Variants in XPO5 observed in about 807,000 individuals in gnomAD.
XPO5 encodes the protein exportin-5.
In XPO5, 46 loss-of-function variants were observed where a neutral mutation model predicts 160.6. The ratio of observed to expected loss-of-function variants is 0.29; its 90% CI spans 0.23 to 0.37. XPO5 has a LOEUF of 0.37. Ranked by LOEUF, XPO5 falls within the 10% of genes least tolerant of loss-of-function variation. The probability of loss-of-function intolerance (pLI) is 1.00; values close to 1 mark genes in which losing one functional copy is unlikely to be tolerated. For synonymous variants in XPO5, 537 were observed against 519.3 expected, an observed-to-expected ratio of 1.03 and a Z score of -0.46; for missense variants, 1,090 against 1,463.9, an observed-to-expected ratio of 0.74 and a Z score of 4.17.
At chr6:43,547,194 GC>G (rs1795005871) in intron 19 of XPO5, 1 of 354,556 alleles carries the variant, frequency 2.8e-6, no homozygotes, top group Non-Finnish European at 5.3e-6. Context: ...TGGGACTTGT[GC>G]CATAATGGAG....
chr6:43,549,796 C>A (rs41281822), intron 16 of XPO5, 97 bp downstream of exon 16: 5 of 1,339,976 alleles, frequency 3.7e-6, no homozygotes, highest in Non-Finnish European at 4.2e-6. Context: ...ACCCTTACTA[C>A]CCCCTCCCAT....
chr6:43,573,409 C>T, intron 2 of XPO5, 71 bp downstream of exon 2: 5 of 1,585,522 alleles, frequency 3.2e-6, no homozygotes, highest in Non-Finnish European at 4.3e-6. Flanking sequence ...TAAACAGCAT[C>T]TCTATAGGTT....
chr6:43,532,644 C>T (rs948458606), intron 21 of XPO5, among the ~76,000 whole-genome samples: 5 of 152,204 alleles, frequency 3.3e-5, no homozygotes, highest in Non-Finnish European at 5.9e-5. Context: ...TTTCCTCATG[C>T]CCCTAACCTA....
At chr6:43,539,827 T>G in intron 20 of XPO5, 1 of 525,876 alleles carries the variant, frequency 1.9e-6, no homozygotes, top group Non-Finnish European at 3.3e-6. Context: ...AGGCCTGGAG[T>G]TTTTTGGTCT....
intron 23 of XPO5, chr6:43,529,239 A>G: frequency 7.2e-7 from 1 of 1,389,328 alleles, no homozygotes; most frequent in African/African-American, 1.5e-5. Context: ...CATTCTCCTT[A>G]TAATTTCAGG....
At chr6:43,553,764 C>A in intron 13 of XPO5, 4 of 469,248 alleles carry the variant, frequency 8.5e-6, no homozygotes, top group Non-Finnish European at 9.5e-6. Flanking sequence ...CCTCTATGAG[C>A]CTTGTAGTAA....
chr6:43,525,036 TG>T (rs1420544082), intron 29 of XPO5, 68 bp from the exon 30 acceptor site: 40 of 1,587,264 alleles, frequency 2.5e-5, no homozygotes, highest in Non-Finnish European at 3.3e-5. Context: ...CCAGTTCTTC[TG>T]AATGATTTAG....
intron 16 of XPO5, 59 bp downstream of exon 16, chr6:43,549,834 G>C: frequency 6.7e-7 from 1 of 1,492,710 alleles, no homozygotes; most frequent in African/African-American, 1.4e-5. Flanking sequence ...CTGAGTATCA[G>C]GTATTCATAC....
At chr6:43,538,139 CTTTTTTTTTTTTT>C (rs1160662301) in intron 20 of XPO5, among the ~76,000 whole-genome samples, 73 of 48,946 alleles carry the variant, frequency 1.5e-3, no homozygotes, top group East Asian at 9.5e-3. Context: ...TAAGAGACAT[CTTTTTTTTTTTTT>C]TTTTTTTTTT....
chr6:43,553,442 C>T lies in XPO5; in HGVS notation c.1503G>A (p.Val501=). ...SLCSVFSPSF[V]QWEAMTLFLE... ...AAAAAAGAGTCATGGCTTCCCACTG[C>T]ACGAATGAAGGTGAGAAGACGGAAC... Residue 501 remains valine, a synonymous_variant, in exon 14 of 32, where the codon GTG becomes GTA. Coordinates refer to ENST00000265351, the MANE Select transcript of XPO5 (RefSeq NM_020750.3). 6 of 1,596,654 alleles carry T rather than the reference C, an allele frequency of 3.8e-6. No individual in the cohort carries two copies. Among genetic ancestry groups the T allele is most frequent in the Non-Finnish European group, 5.1e-6 (6 of 1,171,326 alleles).
chr6:43,542,011 C>G (rs1406289260), intron 20 of XPO5, among the ~76,000 whole-genome samples: 1 of 152,092 alleles, frequency 6.6e-6, no homozygotes, highest in Non-Finnish European at 1.5e-5. Context: ...AACTCTTGAC[C>G]TCAAGTGATC....
In XPO5 at chr6:43,528,183, A is replaced by T; in HGVS notation, c.2798T>A (p.Val933Asp). 6.3e-7 allele frequency: 1 copy of T among 1,594,934 alleles called. No individual in the cohort carries two copies. Among genetic ancestry groups the T allele is most frequent in the Non-Finnish European group, 8.5e-7 (1 of 1,170,290 alleles). ...CCACAGCAGGCTCCTTTGGTTGATA[A>T]CTTGCCATTTCTGAGAAAGCCTCTG... is the stretch of plus-strand genomic sequence containing the variant. ...LHMRLSQKWQ[V>D]INQRSLLCGE... Residue 933 changes from valine to aspartate, a missense_variant, in exon 25 of 32, where the codon GTT (valine) becomes GAT (aspartate). By Grantham distance (152) the Val-to-Asp change is radical. Transcript: ENST00000265351.
In XPO5 at chr6:43,549,561, T is replaced by G. The variant is rs769701064; in HGVS notation, c.1788A>C (p.Ala596=). 7 of 1,613,462 alleles carry G rather than the reference T, an allele frequency of 4.3e-6. No homozygotes were observed. The highest frequency in any genetic ancestry group is 5.9e-6 in the Non-Finnish European group (7 of 1,179,734). The change falls in exon 17 of 32, where the codon GCA becomes GCC. Residue 596 remains alanine (A), a synonymous_variant. Coordinates refer to ENST00000265351, the MANE Select transcript of XPO5 (RefSeq NM_020750.3). ...AAGCATGCCTCCTCACATTCCTCAC[T>G]GCCCGGGTTCTGGGGGCCTGAAAAG... ...VEESKAPRTR[A]VRNVRRHACS... is the part of the protein sequence containing the mutation.
intron 20 of XPO5, chr6:43,538,827 T>C: frequency 8.7e-7 from 1 of 1,143,502 alleles, no homozygotes; most frequent in East Asian, 2.4e-5. Flanking sequence ...AAACCCTATG[T>C]TGTAGCCACA....
At position 43,531,721 on chromosome 6, in the gene XPO5, G is replaced by C. The variant is rs1793992160; in HGVS notation, c.2444-146C>G. On this transcript the variant is annotated intron_variant, in intron 21 of 31. Coordinates refer to ENST00000265351, the MANE Select transcript of XPO5 (RefSeq NM_020750.3). ...TGCAAAGCAGTTGGCTACGTGATTTGCTGCACTCTTTTGGTAGGAGAAGGT... is the reference window on the plus strand; with the variant it reads ...TGCAAAGCAGTTGGCTACGTGATTTCCTGCACTCTTTTGGTAGGAGAAGGT... The C allele has an allele frequency of 2.3e-5, 16 of 699,188 alleles. No homozygotes were observed. In the South Asian group the frequency reaches 2.8e-4, roughly 12 times the overall value. 43.3% of individuals were successfully genotyped at this position (699,188 alleles called of 1,614,324 possible).
chr6:43,559,486 C>T (rs1762293782), intron 11 of XPO5, among the ~76,000 whole-genome samples: 1 of 152,094 alleles, frequency 6.6e-6, no homozygotes, highest in Admixed American at 6.5e-5. Flanking sequence ...TTTGCTTCCA[C>T]TCTCACTCCC....
chr6:43,567,900 T>C (rs1325181827), intron 6 of XPO5, among the ~76,000 whole-genome samples: 4 of 148,348 alleles, frequency 2.7e-5, no homozygotes, highest in African/African-American at 9.9e-5. Context: ...TGCGTCACTG[T>C]ACTCTAGCCT....
chr6:43,538,297 GCAC>G (rs1794477981), intron 20 of XPO5, among the ~76,000 whole-genome samples: 1 of 151,372 alleles, frequency 6.6e-6, no homozygotes, highest in Non-Finnish European at 1.5e-5. Context: ...CTACAGGTGC[GCAC>G]CACCACACCT....
chr6:43,547,808 C>G (rs957424815), intron 18 of XPO5, 101 bp from the exon 19 acceptor site: 1 of 971,126 alleles, frequency 1.0e-6, no homozygotes, highest in Non-Finnish European at 1.6e-6. Flanking sequence ...CCCTTAAGAG[C>G]AGTTTTTATA....
Sources: gnomAD v4.1 joint callset for allele counts (sites outside exome capture counted in the v4.1 genomes callset) on GRCh38, gnomAD v4.1.1 for gene constraint, MANE v1.5 for transcripts, NCBI Gene and HGNC (gene_info 2026-07-23, HGNC 2026-07-21) for gene names.